The following ZNF93 variants were observed in gnomAD, a reference collection of about 807,000 sequenced individuals.
ZNF93 encodes zinc finger protein 505.
Under a neutral mutation model 45.0 loss-of-function variants are expected in ZNF93, and 29 were observed. The ratio of observed to expected loss-of-function variants is 0.64; its 90% CI spans 0.48 to 0.88. ZNF93 has a LOEUF of 0.88. Among genes scored for constraint, ZNF93 ranks in the 40% least tolerant of loss-of-function variants. ZNF93 has a pLI of 0.00. For synonymous variants in ZNF93, 223 were observed against 244.6 expected (o/e 0.91, Z 0.82); for missense variants, 578 against 724.0 (o/e 0.80, Z 2.31).
chr19:19,907,046 TTA>T (rs1232377024), intron 1 of ZNF93, among the ~76,000 whole-genome samples: 1 of 151,474 alleles, frequency 6.6e-6, no homozygotes, highest in Non-Finnish European at 1.5e-5. Context: ...GGGATTTAGA[TTA>T]TATATAGATG....
chr19:19,922,707 C>T (rs1452386291), intron 3 of ZNF93, among the ~76,000 whole-genome samples: 1 of 152,198 alleles, frequency 6.6e-6, no homozygotes, highest in Non-Finnish European at 1.5e-5. Flanking sequence ...ATCACTGACA[C>T]CCTTTCTTCC....
In ZNF93 at chr19:19,916,571, T is replaced by C; in HGVS notation, c.142T>C (p.Ser48Pro). The change falls in exon 3 of 4, where the codon TCT becomes CCT. Residue 48 changes from serine to proline, a missense_variant. By Grantham distance (74) the Ser-to-Pro change is moderately conservative. Coordinates refer to ENST00000343769, the MANE Select transcript of ZNF93 (RefSeq NM_031218.4). ...SNLVFLGIVV[S>P]KPDLIAHLEQ... is the part of the protein sequence containing the mutation. ...TCTTAACAAAACAGGTATTGTTGTC[T>C]CTAAGCCAGACCTGATCGCCCATCT... is the stretch of plus-strand genomic sequence containing the variant. 1 of 1,612,160 alleles carries C rather than the reference T, an allele frequency of 6.2e-7. No individual in the cohort carries two copies. Among genetic ancestry groups the C allele is most frequent in the Non-Finnish European group, 8.5e-7 (1 of 1,179,226 alleles).
chr19:19,917,268 AT>A (rs1388019856), intron 3 of ZNF93, among the ~76,000 whole-genome samples: 18 of 152,278 alleles, frequency 1.2e-4, no homozygotes, highest in African/African-American at 4.3e-4. Context: ...TACCACTGCA[AT>A]TTTGATAGGA....
In ZNF93 at chr19:19,900,971, G is replaced by T; in HGVS notation, c.-118G>T. On this transcript the variant is annotated 5_prime_UTR_variant, in exon 1 of 4. It adds an upstream start codon to the 5' untranslated region. Coordinates refer to ENST00000343769, the MANE Select transcript of ZNF93 (RefSeq NM_031218.4). ...GTCTCTCGGTGCAGCCGGAGCTCCA[G>T]GTCTCCTCTTCACTACTCTGTGTCC... 8 of 1,514,426 alleles carry T rather than the reference G, an allele frequency of 5.3e-6. No individual in the cohort carries two copies. Among genetic ancestry groups the T allele is most frequent in the Non-Finnish European group, 7.3e-6 (8 of 1,097,032 alleles). 93.8% of individuals were successfully genotyped at this position (1,514,426 alleles called of 1,614,324 possible).
intron 3 of ZNF93, among the ~76,000 whole-genome samples, chr19:19,929,031 T>C (rs1313380226): frequency 6.6e-6 from 1 of 152,144 alleles, no homozygotes; most frequent in Non-Finnish European, 1.5e-5. Context: ...GGGACACGTT[T>C]GGGTCATTGG....
At chr19:19,919,845 T>G (rs1469464117) in intron 3 of ZNF93, among the ~76,000 whole-genome samples, 2 of 152,108 alleles carry the variant, frequency 1.3e-5, no homozygotes, top group Non-Finnish European at 2.9e-5. Flanking sequence ...AGCTTGAGAT[T>G]TTGGGCTGAG....
At chr19:19,927,679 T>C (rs1156428227) in intron 3 of ZNF93, among the ~76,000 whole-genome samples, 1 of 152,372 alleles carries the variant, frequency 6.6e-6, no homozygotes, top group East Asian at 1.9e-4. Flanking sequence ...TTCCATTGTA[T>C]GTATATGTTA....
chr19:19,912,083 A>T (rs1197680838), intron 1 of ZNF93, among the ~76,000 whole-genome samples: 1 of 152,250 alleles, frequency 6.6e-6, no homozygotes, highest in Non-Finnish European at 1.5e-5. Context: ...TGCTAACTGT[A>T]GATATTTATT....
chr19:19,913,371 T>C (rs2063315026), intron 1 of ZNF93, among the ~76,000 whole-genome samples: 1 of 152,130 alleles, frequency 6.6e-6, no homozygotes. Context: ...GGTGGAAGCA[T>C]CCATGTTTTT....
intron 1 of ZNF93, among the ~76,000 whole-genome samples, chr19:19,901,926 C>T (rs1033156950): frequency 1.1e-4 from 16 of 152,226 alleles, no homozygotes; most frequent in African/African-American, 3.4e-4. Context: ...CCCGTCTCTA[C>T]TAAAAATACA....
intron 3 of ZNF93, among the ~76,000 whole-genome samples, chr19:19,918,629 T>A (rs988681052): frequency 1.3e-5 from 2 of 152,220 alleles, no homozygotes; most frequent in Non-Finnish European, 2.9e-5. Flanking sequence ...TCCTGACTTT[T>A]TAATGATCGC....
At chr19:19,912,220 C>A (rs1249838454) in intron 1 of ZNF93, among the ~76,000 whole-genome samples, 2 of 152,142 alleles carry the variant, frequency 1.3e-5, no homozygotes, top group Non-Finnish European at 2.9e-5. Flanking sequence ...ATTTAAGTTT[C>A]TTTTAGGTAA....
chr19:19,924,406 C>T (rs758550657), intron 3 of ZNF93, among the ~76,000 whole-genome samples: 1 of 151,834 alleles, frequency 6.6e-6, no homozygotes, highest in African/African-American at 2.4e-5. Context: ...TTTTTTAGTT[C>T]TGTGAATAAT....
At chr19:19,903,375 T>A (rs951146547) in intron 1 of ZNF93, among the ~76,000 whole-genome samples, 1 of 152,058 alleles carries the variant, frequency 6.6e-6, no homozygotes, top group African/African-American at 2.4e-5. Context: ...TGACTCAGAG[T>A]GAGGGTAGCT....
At chr19:19,911,110 CTAGAG>C (rs1201070106) in intron 1 of ZNF93, among the ~76,000 whole-genome samples, 1 of 152,152 alleles carries the variant, frequency 6.6e-6, no homozygotes, top group Admixed American at 6.5e-5. Flanking sequence ...AAATGTAATA[CTAGAG>C]TAGAGTATTT....
chr19:19,922,230 T>C (rs1230081015), intron 3 of ZNF93, among the ~76,000 whole-genome samples: 1 of 152,230 alleles, frequency 6.6e-6, no homozygotes, highest in Non-Finnish European at 1.5e-5. Context: ...TATGAAATTC[T>C]GGGTTAAAAA....
intron 3 of ZNF93, chr19:19,932,864 A>G (rs2063378845): frequency 5.9e-6 from 1 of 168,672 alleles, no homozygotes; most frequent in Non-Finnish European, 1.3e-5. Context: ...TATTTCTTTG[A>G]AAATGCTGTG....
Position 19,933,380 on chromosome 19 carries a change from G to T in ZNF93, c.425G>T (p.Ser142Ile). 6 of 1,604,196 alleles carry T rather than the reference G, an allele frequency of 3.7e-6. No individual in the cohort carries two copies. Among genetic ancestry groups the T allele is most frequent in the Non-Finnish European group, 5.1e-6 (6 of 1,176,528 alleles). ...GLNQCSTTTQ[S>I]KVFQCDKYGK... is the part of the protein sequence containing the mutation. ...AACCAGTGTAGTACAACTACCCAGA[G>T]CAAAGTATTTCAATGTGATAAATAT... The change falls in exon 4 of 4, where the codon AGC becomes ATC. Residue 142 changes from serine to isoleucine, a missense_variant. Coordinates refer to ENST00000343769, the MANE Select transcript of ZNF93 (RefSeq NM_031218.4).
rs1185933475 is a variant in ZNF93 at position 19,933,870 on chromosome 19, A to C, written c.915A>C (p.Lys305Asn). 1 of 1,612,878 alleles carries C rather than the reference A, an allele frequency of 6.2e-7. No individual in the cohort carries two copies. The highest frequency in any genetic ancestry group is 8.5e-7 in the Non-Finnish European group (1 of 1,179,824). ...NQSSTLTKHK[K>N]IHTGEKPYVC... ...CCTCAACACTTACTAAACATAAGAA[A>C]ATTCATACTGGAGAGAAGCCCTACG... Residue 305 changes from lysine to asparagine, a missense_variant, in exon 4 of 4, where the codon AAA becomes AAC. Physicochemically the swap from Lys to Asn is moderately conservative, Grantham distance 94. Coordinates refer to ENST00000343769, the MANE Select transcript of ZNF93 (RefSeq NM_031218.4).
Sources: gnomAD v4.1 joint callset for allele counts (sites outside exome capture counted in the v4.1 genomes callset) on GRCh38, gnomAD v4.1.1 for gene constraint, MANE v1.5 for transcripts, NCBI Gene and HGNC (gene_info 2026-07-23, HGNC 2026-07-21) for gene names.